The following AP2A1 variants were observed in gnomAD, a reference collection of about 807,000 sequenced individuals.
The protein encoded by AP2A1 is adaptor related protein complex 2 subunit alpha 1.
AP2A1 carries 21 observed loss-of-function variants against 107.3 expected under a neutral mutation model. That is an observed-to-expected ratio of 0.20 (90% CI 0.14 to 0.28). The LOEUF (loss-of-function observed/expected upper bound fraction) is 0.28. Ranked by LOEUF, AP2A1 falls within the 10% of genes least tolerant of loss-of-function variation. The probability of loss-of-function intolerance (pLI) is 1.00; values close to 1 mark genes in which losing one functional copy is unlikely to be tolerated. For missense variants in AP2A1, 873 were observed against 1,307.7 expected (o/e 0.67, Z 5.13); for synonymous variants, 602 against 564.8 (o/e 1.07, Z -0.93).
chr19:49,803,630 G>C, intron 18 of AP2A1: 1 of 524,946 alleles, frequency 1.9e-6, no homozygotes, highest in South Asian at 2.0e-5. Flanking sequence ...TTTTGTCCCT[G>C]TCTGGCACCT....
chr19:49,776,056 G>A (rs1253804098), intron 1 of AP2A1, among the ~76,000 whole-genome samples: 2 of 152,082 alleles, frequency 1.3e-5, no homozygotes, highest in Non-Finnish European at 2.9e-5. Flanking sequence ...GATGTTGGCC[G>A]CCTTCGCACC....
intron 1 of AP2A1, among the ~76,000 whole-genome samples, chr19:49,771,322 A>AAAAC (rs1667618416): frequency 6.6e-6 from 1 of 151,528 alleles, no homozygotes; most frequent in Non-Finnish European, 1.5e-5. Flanking sequence ...AAAAAAAAAA[A>AAAAC]AAAAGAAAGG....
Position 49,806,772 on chromosome 19 carries a change from C to T in AP2A1, c.*14C>T. 6.2e-7 allele frequency: 1 copy of T among 1,613,602 alleles called. No homozygotes were observed. Among genetic ancestry groups the T allele is most frequent in the Non-Finnish European group, 8.5e-7 (1 of 1,179,862 alleles). The stretch of plus-strand genomic sequence containing the variant: ...CAGCAGTTCTGAGCCCTGGACTCTG[C>T]CCCGGGGGATGTGGCCGGCACTGGG... On this transcript the variant is annotated 3_prime_UTR_variant, in exon 23 of 23. Transcript: ENST00000354293.
chr19:49,772,657 G>C (rs1445147361), intron 1 of AP2A1, among the ~76,000 whole-genome samples: 1 of 151,646 alleles, frequency 6.6e-6, no homozygotes, highest in African/African-American at 2.4e-5. Context: ...CAACACGCCC[G>C]GCTAATTTTT....
intron 4 of AP2A1, 145 bp downstream of exon 4, chr19:49,782,869 C>T (rs1272374823): frequency 6.2e-6 from 6 of 964,550 alleles, no homozygotes; most frequent in East Asian, 5.3e-5. Flanking sequence ...CCAGTGGTTC[C>T]GGTGGCAGCC....
chr19:49,767,883 G>A (rs1459481534), intron 1 of AP2A1, among the ~76,000 whole-genome samples: 1 of 151,900 alleles, frequency 6.6e-6, no homozygotes, highest in Non-Finnish European at 1.5e-5. Flanking sequence ...TGTGGAGGGG[G>A]CTAGAGGGGC....
At chr19:49,790,739 G>A (rs1384278721) in intron 4 of AP2A1, among the ~76,000 whole-genome samples, 1 of 152,214 alleles carries the variant, frequency 6.6e-6, no homozygotes, top group Non-Finnish European at 1.5e-5. Context: ...AAAGAGCCTT[G>A]CAAAGTCTGT....
chr19:49,790,171 A>T (rs55662076), intron 4 of AP2A1, among the ~76,000 whole-genome samples: 10,140 of 152,134 alleles, frequency 0.067, 458 homozygotes, highest in South Asian at 0.16. Flanking sequence ...CCTAGAGGAG[A>T]GGCCGCGTCC....
chr19:49,782,191 G>T, intron 3 of AP2A1, 102 bp downstream of exon 3: 1 of 958,682 alleles, frequency 1.0e-6, no homozygotes, highest in Admixed American at 2.9e-5. Flanking sequence ...GGGGTCTAGG[G>T]GTCTGGACTC....
Position 49,806,253 on chromosome 19 carries a change from G to A in AP2A1, c.2790G>A (p.Gln930=). The A allele has an allele frequency of 6.2e-7, 1 of 1,603,654 alleles. No individual in the cohort carries two copies. Among genetic ancestry groups the A allele is most frequent in the Non-Finnish European group, 8.5e-7 (1 of 1,175,364 alleles). ...LLRLEPNAQA[Q]MYRLTLRTSK... ...GGCTGGAGCCCAATGCCCAGGCCCAGGTGAGTGCTGCTGTGGGAGGCCTGA... is the reference window on the plus strand; with the variant it reads ...GGCTGGAGCCCAATGCCCAGGCCCAAGTGAGTGCTGCTGTGGGAGGCCTGA... Residue 930 remains glutamine (Q), a splice_region_variant and synonymous_variant, in exon 22 of 23, where the codon CAG becomes CAA. Coordinates refer to ENST00000354293, the MANE Select transcript of AP2A1 (RefSeq NM_130787.3).
rs201187935 is a variant in AP2A1 at position 49,787,326 on chromosome 19, C to CT, written c.474-4602dup. ...GTGTGAGCCACCACTCCCATCTAGG[C>CT]TTTTTTTGTTTGTTTTTTTTGTTTT... On this transcript the variant is annotated intron_variant, in intron 4 of 22. Transcript: ENST00000354293. 1.3e-3 allele frequency among the ~76,000 whole-genome samples: 151 copies of CT among 116,752 alleles called. 5 individuals are homozygous for CT. Among genetic ancestry groups the CT allele is most frequent in the South Asian group, 3.1e-3 (10 of 3,248 alleles). 76.6% of individuals were successfully genotyped at this position (116,752 alleles called of 152,430 possible).
At chr19:49,777,882 C>A (rs942495287) in intron 1 of AP2A1, among the ~76,000 whole-genome samples, 1 of 151,936 alleles carries the variant, frequency 6.6e-6, no homozygotes, top group African/African-American at 2.4e-5. Context: ...GAGCTGAGAT[C>A]AAACCATTGC....
chr19:49,768,601 T>A (rs4801806), intron 1 of AP2A1, among the ~76,000 whole-genome samples: 3,329 of 152,204 alleles, frequency 0.022, 101 homozygotes, highest in East Asian at 0.13. Flanking sequence ...TTAACTGTTA[T>A]GGAAGGATCT....
At position 49,803,364 on chromosome 19, in the gene AP2A1, G is replaced by C; in HGVS notation, c.2332G>C (p.Asp778His). Residue 778 changes from aspartate (D) to histidine (H), a missense_variant, in exon 18 of 23, where the codon GAC (aspartate) becomes CAC (histidine). Around this residue, in one of 4 missense-constraint regions of AP2A1, gnomAD observed 416 missense variants for 473.4 expected, o/e 0.88. Transcript: ENST00000354293. ...NFSPTVVHPGDLQTQLAVQTK... is the reference protein window; with the variant it reads ...NFSPTVVHPGHLQTQLAVQTK... The stretch of plus-strand genomic sequence containing the variant: ...CTCACCCACTGTGGTTCACCCGGGA[G>C]ACCTCCAGACTCATATCCTCTCAGG... 1 of 1,613,806 alleles carries C rather than the reference G, an allele frequency of 6.2e-7. No homozygotes were observed. Among genetic ancestry groups the C allele is most frequent in the Non-Finnish European group, 8.5e-7 (1 of 1,179,780 alleles).
At chr19:49,800,659 C>T (rs893039661) in intron 11 of AP2A1, 16 of 312,790 alleles carry the variant, frequency 5.1e-5, no homozygotes, top group East Asian at 8.5e-5. Context: ...TTAGTAGAGA[C>T]GGGGTTTCAC....
At chr19:49,795,999 TG>T (rs1419340248) in intron 7 of AP2A1, 2 of 485,726 alleles carry the variant, frequency 4.1e-6, no homozygotes, top group Non-Finnish European at 7.5e-6. Flanking sequence ...CCAGCCCTGT[TG>T]CGAGGGACTG....
At chr19:49,782,135 C>CG in intron 3 of AP2A1, 46 bp downstream of exon 3, 1 of 204,644 alleles carries the variant, frequency 4.9e-6, no homozygotes, top group South Asian at 5.7e-5. Context: ...CCTGGGTCTG[C>CG]GGGGGAGGGG....
At position 49,798,956 on chromosome 19, in the gene AP2A1, C is replaced by A. The variant is rs536771781; in HGVS notation, c.965+4C>A. 2.6e-4 allele frequency: 407 copies of A among 1,551,954 alleles called. No homozygotes were observed. Among genetic ancestry groups the A allele is most frequent in the Non-Finnish European group, 3.4e-4 (390 of 1,147,094 alleles). On this transcript the variant is annotated splice_donor_region_variant and intron_variant, in intron 8 of 22. Transcript: ENST00000354293. The stretch of plus-strand genomic sequence containing the variant: ...GCCTCATCATCCACTATGACAGGTG[C>A]CCGCCTGGGCCTATCAGGGCCTGAT...
At chr19:49,769,730 A>T (rs1015349411) in intron 1 of AP2A1, among the ~76,000 whole-genome samples, 1 of 152,180 alleles carries the variant, frequency 6.6e-6, no homozygotes, top group Non-Finnish European at 1.5e-5. Flanking sequence ...TGATGTTTTA[A>T]GATAATTCCT....
Sources: allele counts gnomAD v4.1 joint callset (sites outside exome capture counted in the v4.1 genomes callset), GRCh38; gene constraint gnomAD v4.1.1; regional missense constraint gnomAD v4.1.1; transcripts MANE v1.5; gene names NCBI Gene and HGNC (gene_info 2026-07-23, HGNC 2026-07-21).